RBFOX3: variants seen among roughly 807,000 people sequenced by gnomAD.
RBFOX3 encodes RNA binding protein fox-1 homolog 3.
A neutral mutation model predicts 48.7 loss-of-function variants in RBFOX3; 17 were observed. The observed-to-expected ratio is 0.35, with a 90% CI of 0.24 to 0.52. The LOEUF is 0.52. Among genes scored for constraint, RBFOX3 ranks in the 20% least tolerant of loss-of-function variants. RBFOX3 has a pLI of 0.94. For missense variants in RBFOX3, 382 were observed against 497.5 expected, an observed-to-expected ratio of 0.77 and a Z score of 2.21; for synonymous variants, 212 against 209.5, an observed-to-expected ratio of 1.01 and a Z score of -0.10.
At chr17:79,138,652 TAC>T in intron 4 of RBFOX3, among the ~76,000 whole-genome samples, 1 of 16,190 alleles carries the variant, frequency 6.2e-5, no homozygotes, top group Admixed American at 6.7e-4. Context: ...CACACGCACA[TAC>T]ACAGCACATG....
At chr17:79,499,276 C>A (rs1555776276) in intron 1 of RBFOX3, among the ~76,000 whole-genome samples, 1 of 152,054 alleles carries the variant, frequency 6.6e-6, no homozygotes, top group African/African-American at 2.4e-5. Context: ...AACCACCCAC[C>A]CATCTACCAT....
At chr17:79,157,912 TG>T (rs964781514) in intron 4 of RBFOX3, among the ~76,000 whole-genome samples, 9 of 152,304 alleles carry the variant, frequency 5.9e-5, no homozygotes, top group East Asian at 1.9e-4. Context: ...TAGACGGCCC[TG>T]GGGAGCTGCC....
At chr17:79,485,409 G>A (rs1314704476) in intron 1 of RBFOX3, among the ~76,000 whole-genome samples, 2 of 152,078 alleles carry the variant, frequency 1.3e-5, no homozygotes, top group Non-Finnish European at 2.9e-5. Flanking sequence ...GCAAAGACAG[G>A]GTCGGGAGAT....
At position 79,106,917 on chromosome 17, in the gene RBFOX3, G is replaced by A; in HGVS notation, c.223-129C>T. 16 of 1,254,274 alleles carry A rather than the reference G, an allele frequency of 1.3e-5. No individual in the cohort carries two copies. The South Asian group carries it at 1.8e-4, about 14-fold the overall frequency. 77.7% of individuals were successfully genotyped at this position (1,254,274 alleles called of 1,614,324 possible). A position where few individuals can be genotyped will look rare whatever the true frequency, so the allele number is the denominator to read the frequency against. ...CTTCTGGGCCTCTCCCCCATCCCTGGGCTGGGATCCTTGGCAGAATCTGGG... is the reference window on the plus strand; with the variant it reads ...CTTCTGGGCCTCTCCCCCATCCCTGAGCTGGGATCCTTGGCAGAATCTGGG... On this transcript the variant is annotated intron_variant, in intron 5 of 14. Coordinates refer to ENST00000693108, the MANE Select transcript of RBFOX3 (RefSeq NM_001350451.2).
intron 4 of RBFOX3, among the ~76,000 whole-genome samples, chr17:79,118,607 G>T (rs1256661780): frequency 6.6e-6 from 1 of 152,000 alleles, no homozygotes; most frequent in Admixed American, 6.5e-5. Flanking sequence ...ATAAATATTT[G>T]ATTAGAGCCT....
At chr17:79,180,999 C>T (rs906151141) in intron 4 of RBFOX3, among the ~76,000 whole-genome samples, 2 of 152,222 alleles carry the variant, frequency 1.3e-5, no homozygotes, top group African/African-American at 4.8e-5. Context: ...GGGGTGTCTT[C>T]CCCGTGGGTC....
At chr17:79,348,459 C>A (rs2083278378) in intron 2 of RBFOX3, among the ~76,000 whole-genome samples, 1 of 152,106 alleles carries the variant, frequency 6.6e-6, no homozygotes, top group African/African-American at 2.4e-5. Context: ...TCACCCCCTC[C>A]ATCTGCTGTC....
Position 79,100,658 on chromosome 17 carries a change from G to A in RBFOX3, c.568+926C>T, listed in dbSNP as rs138796528. Among the ~76,000 whole-genome samples the A allele has an allele frequency of 5.3e-4, 80 of 152,326 alleles. No homozygotes were observed. In the East Asian group the frequency reaches 0.014, roughly 26 times the overall value. On this transcript the variant is annotated intron_variant, in intron 9 of 14. Transcript: ENST00000693108. Reference sequence around the variant, plus strand: ...CCACGGCAACAGGGAGATCCATCCCGTCTAGGGGCAGCGCTGAGGCTTCTA... The same window carrying A: ...CCACGGCAACAGGGAGATCCATCCCATCTAGGGGCAGCGCTGAGGCTTCTA...
At chr17:79,624,623 C>T in the RBFOX3 span, among the ~76,000 whole-genome samples, 1 of 152,176 alleles carries the variant, frequency 6.6e-6, no homozygotes, top group African/African-American at 2.4e-5. Flanking sequence ...CACCTCAGTC[C>T]TCTGTCTCTG....
chr17:79,253,542 A>T (rs910061964), intron 3 of RBFOX3, among the ~76,000 whole-genome samples: 2 of 152,096 alleles, frequency 1.3e-5, no homozygotes, highest in African/African-American at 2.4e-5. Context: ...TTTTTTTTTT[A>T]AATCACAAAG....
In RBFOX3 at chr17:79,362,733, C is replaced by T. The variant is rs2086622396; in HGVS notation, c.-174-54909G>A. 6.6e-6 allele frequency among the ~76,000 whole-genome samples: 1 copy of T among 152,194 alleles called. No individual in the cohort carries two copies. The highest frequency in any genetic ancestry group is 1.5e-5 in the Non-Finnish European group (1 of 68,032). On this transcript the variant is annotated intron_variant, in intron 2 of 14. Coordinates refer to ENST00000693108, the MANE Select transcript of RBFOX3 (RefSeq NM_001350451.2). The surrounding 1 kb of genome is among the most constrained non-coding windows in gnomAD (Gnocchi z 4.2). ...TGAGCTGCACAGGCTCATTAGAGAC[C>T]ATGGGATGGGGCCTCCGAGGAGCTC...
At chr17:79,559,847 G>A (rs1450859947) in intron 1 of RBFOX3, among the ~76,000 whole-genome samples, 1 of 146,496 alleles carries the variant, frequency 6.8e-6, no homozygotes, top group Admixed American at 6.8e-5. Context: ...ATGAATGGGT[G>A]GATGGATGGA....
chr17:79,625,244 A>G, the RBFOX3 span, among the ~76,000 whole-genome samples: 3 of 152,044 alleles, frequency 2.0e-5, no homozygotes, highest in Admixed American at 2.0e-4. Context: ...TGGAGTTTAT[A>G]TAAGTGAAAT....
Position 79,580,272 on chromosome 17 carries a change from T to TC in RBFOX3, c.-320+30553dup, listed in dbSNP as rs1190997158. On this transcript the variant is annotated intron_variant, in intron 1 of 14. Transcript: ENST00000693108. ...CCTCCTCCTCCCCCCGTCCTCCTCC[T>TC]CCCCCCCCATCCTCCTCCTCCTCCT... 2.6e-3 allele frequency among the ~76,000 whole-genome samples: 120 copies of TC among 45,388 alleles called. 2 individuals are homozygous for TC. The South Asian group carries it at 0.028, about 10-fold the overall frequency. The allele number at this position is 45,388 out of a possible 152,430, so 29.8% of individuals were successfully genotyped here. A position where few individuals can be genotyped will look rare whatever the true frequency, so the allele number is the denominator to read the frequency against.
intron 4 of RBFOX3, among the ~76,000 whole-genome samples, chr17:79,177,209 T>TC (rs58684385): frequency 0.18 from 26,510 of 149,722 alleles, 4,637 homozygotes; most frequent in African/African-American, 0.46. Flanking sequence ...CCTCCTCCTC[T>TC]CCCCCCCCGC....
At chr17:79,150,315 T>C (rs7503284) in intron 4 of RBFOX3, among the ~76,000 whole-genome samples, 97,758 of 151,804 alleles carry the variant, frequency 0.64, 31,836 homozygotes, top group Non-Finnish European at 0.69. Context: ...ACGCTCTGGG[T>C]CAAGGGGCAG....
At chr17:79,475,762 A>G (rs2077647845) in intron 2 of RBFOX3, among the ~76,000 whole-genome samples, 1 of 152,154 alleles carries the variant, frequency 6.6e-6, no homozygotes, top group Non-Finnish European at 1.5e-5. Context: ...CCTCATGATG[A>G]TGGAGGCAGA....
rs7208334 is a variant in RBFOX3, at chr17:79,103,034, C to G, written c.507+128G>C. 487,127 of 700,852 alleles carry G rather than the reference C, an allele frequency of 0.7. 174,705 individuals carry two copies. The highest frequency in any genetic ancestry group is 0.77 in the Non-Finnish European group (312,318 of 405,240). 43.4% of individuals were successfully genotyped at this position (700,852 alleles called of 1,614,324 possible). A position where few individuals can be genotyped will look rare whatever the true frequency, so the allele number is the denominator to read the frequency against. ...CCCTGGCCTTAGTGCGACCCTTCCT[C>G]CCACCCCAGGGAACCCTGGCCAGGC... On this transcript the variant is annotated intron_variant, in intron 8 of 14. Coordinates refer to ENST00000693108, the MANE Select transcript of RBFOX3 (RefSeq NM_001350451.2). The surrounding 1 kb of genome is among the most constrained non-coding windows in gnomAD (Gnocchi z 6.1).
chr17:79,294,807 C>G (rs903105403), intron 3 of RBFOX3, among the ~76,000 whole-genome samples: 1 of 152,218 alleles, frequency 6.6e-6, no homozygotes, highest in Non-Finnish European at 1.5e-5. Context: ...GCGGCCAGTG[C>G]TCAGGAAGGC....
Sources: gnomAD v4.1 joint callset for allele counts (sites outside exome capture counted in the v4.1 genomes callset) on GRCh38, gnomAD v4.1.1 for gene constraint, Gnocchi (gnomAD v3.1) non-coding constraint, MANE v1.5 for transcripts, NCBI Gene and HGNC (gene_info 2026-07-23, HGNC 2026-07-21) for gene names.